Variants in IL12RB1 observed in about 807,000 individuals in gnomAD.
The protein encoded by IL12RB1 is interleukin-12 receptor subunit beta-1.
IL12RB1 carries 64 observed loss-of-function variants against 94.4 expected under a neutral mutation model. That is an observed-to-expected ratio of 0.68 (90% CI 0.55 to 0.83). The LOEUF (loss-of-function observed/expected upper bound fraction) is 0.83, where lower values mean the gene tolerates loss of function less well. Ranked by LOEUF, IL12RB1 falls within the 40% of genes least tolerant of loss-of-function variation. The probability of loss-of-function intolerance (pLI) is 0.00; values close to 1 mark genes in which losing one functional copy is unlikely to be tolerated. For synonymous variants in IL12RB1, 362 were observed against 355.5 expected, an observed-to-expected ratio of 1.02 and a Z score of -0.21; for missense variants, 814 against 855.6, an observed-to-expected ratio of 0.95 and a Z score of 0.61.
intron 2 of IL12RB1, chr19:18,082,992 A>G (rs1599558995): frequency 3.6e-6 from 1 of 274,348 alleles, no homozygotes; most frequent in East Asian, 9.3e-5. Flanking sequence ...CTGAGGCTGG[A>G]GAATAGCTTG....
chr19:18,098,774 C>G, exon 1 of IL12RB1: 3 of 456,688 alleles, frequency 6.6e-6, no homozygotes, highest in Non-Finnish European at 1.3e-5. Flanking sequence ...ATTTATGGAG[C>G]GCCTGCTGTG....
At position 18,072,099 on chromosome 19, in the gene IL12RB1, C is replaced by A. The variant is rs759022910; in HGVS notation, c.1021+13G>T. 1 of 1,559,192 alleles carries A rather than the reference C, an allele frequency of 6.4e-7. No homozygotes were observed. Among genetic ancestry groups the A allele is most frequent in the South Asian group, 1.1e-5 (1 of 90,092 alleles). Reference sequence around the variant, plus strand: ...GGGGCCCTCATACCGCCCTCCCCACCCAGAGGAGGCACCTGTGTGGGTGTC... The same window carrying A: ...GGGGCCCTCATACCGCCCTCCCCACACAGAGGAGGCACCTGTGTGGGTGTC... On this transcript the variant is annotated intron_variant, in intron 9 of 16. Transcript: ENST00000593993.
chr19:18,068,792 AGGC>A (rs1449161512), intron 10 of IL12RB1, among the ~76,000 whole-genome samples: 1 of 135,666 alleles, frequency 7.4e-6, no homozygotes, highest in Non-Finnish European at 1.5e-5. Flanking sequence ...TGTGTCACCC[AGGC>A]TGGAGTGCAA....
intron 1 of IL12RB1, among the ~76,000 whole-genome samples, chr19:18,093,399 T>A (rs915172263): frequency 6.6e-6 from 1 of 151,718 alleles, no homozygotes. Context: ...ACAGAAAAAC[T>A]GCATTCATTC....
Position 18,077,553 on chromosome 19 carries a change from T to G in IL12RB1, c.512A>C (p.Gln171Pro), listed in dbSNP as rs771960783. Residue 171 changes from glutamine to proline, a missense_variant, in exon 5 of 17, where the codon CAG becomes CCG. Transcript: ENST00000593993. ...TPDNQVGAEV[Q>P]FRHRTPSSPW... is the part of the protein sequence containing the mutation. ...GCTGCTGGGTGTCCGGTGCCGGAACTGCACCTCAGCACCAACCTGGTTATC... is the reference window on the plus strand; with the variant it reads ...GCTGCTGGGTGTCCGGTGCCGGAACGGCACCTCAGCACCAACCTGGTTATC... The G allele has an allele frequency of 6.2e-7, 1 of 1,612,568 alleles. No individual in the cohort carries two copies. Among genetic ancestry groups the G allele is most frequent in the Non-Finnish European group, 8.5e-7 (1 of 1,178,994 alleles).
upstream of IL12RB1, among the ~76,000 whole-genome samples, chr19:18,087,583 C>T (rs1030864858): frequency 6.6e-6 from 1 of 151,764 alleles, no homozygotes; most frequent in South Asian, 2.1e-4. Flanking sequence ...GGTGCAATCA[C>T]GGCTCACTGC....
intron 16 of IL12RB1, 62 bp from the exon 17 acceptor site, chr19:18,059,675 CAT>C: frequency 1.3e-6 from 1 of 778,912 alleles, no homozygotes. Flanking sequence ...GGTAGGGAAT[CAT>C]GTGAGTGGAT....
chr19:18,081,670 A>C (rs566805608), intron 3 of IL12RB1, among the ~76,000 whole-genome samples: 2 of 151,676 alleles, frequency 1.3e-5, no homozygotes, highest in Non-Finnish European at 2.9e-5. Context: ...AAAATACAAA[A>C]ATTAGCAGGT....
chr19:18,081,065 T>C, intron 3 of IL12RB1, 64 bp from the exon 4 acceptor site: 2 of 1,413,206 alleles, frequency 1.4e-6, no homozygotes, highest in South Asian at 2.3e-5. Flanking sequence ...CAGCCGACTT[T>C]GTGCATCACA....
chr19:18,097,746 G>A (rs922298376), intron 1 of IL12RB1: 2 of 1,182,880 alleles, frequency 1.7e-6, no homozygotes, highest in African/African-American at 3.2e-5. Flanking sequence ...GGCCTGGCAG[G>A]CCGGGGCGGG....
In IL12RB1 at chr19:18,080,941, G is replaced by A. The variant is rs147419888; in HGVS notation, c.300C>T (p.Ser100=). 9.5e-5 allele frequency: 154 copies of A among 1,613,976 alleles called. 3 individuals are homozygous for A. Among genetic ancestry groups the A allele is most frequent in the South Asian group, 7.9e-4 (72 of 91,072 alleles). The change falls in exon 4 of 17, where the codon TCC becomes TCT. Residue 100 remains serine, a synonymous_variant. Transcript: ENST00000593993. ...ACAGCACAGACACCCCAGCCTGGTC[G>A]GAGAACTGCAGCCTGGTGGCTGAGC... is the stretch of plus-strand genomic sequence containing the variant. The part of the protein sequence containing the change: ...AAGSATRLQF[S]DQAGVSVLYT...
intron 8 of IL12RB1, 143 bp from the exon 9 acceptor site, chr19:18,072,492 A>C: frequency 1.5e-6 from 1 of 676,180 alleles, no homozygotes; most frequent in Non-Finnish European, 2.7e-6. Context: ...AGAATAATAA[A>C]CCTCAATGCT....
intron 8 of IL12RB1, among the ~76,000 whole-genome samples, chr19:18,072,666 GGCC>G: frequency 6.6e-6 from 1 of 152,146 alleles, no homozygotes; most frequent in South Asian, 2.1e-4. Context: ...GAATTTGAGA[GGCC>G]GGGCACGGGG....
At chr19:18,061,793 G>C (rs1309766142) in intron 14 of IL12RB1, among the ~76,000 whole-genome samples, 1 of 150,848 alleles carries the variant, frequency 6.6e-6, no homozygotes, top group Non-Finnish European at 1.5e-5. Flanking sequence ...AACCCGGGAG[G>C]GGGAGGTTGC....
chr19:18,072,371 G>T (rs780078908), intron 8 of IL12RB1, 22 bp from the exon 9 acceptor site: 1 of 1,482,538 alleles, frequency 6.7e-7, no homozygotes, highest in South Asian at 1.1e-5. Flanking sequence ...ATGAAAGACA[G>T]CTTGTGGGTA....
At chr19:18,083,126 T>C (rs1401078324) in intron 2 of IL12RB1, 1 of 401,770 alleles carries the variant, frequency 2.5e-6, no homozygotes, top group African/African-American at 2.1e-5. Flanking sequence ...TTTATCAGGT[T>C]GGGGGGGGGG....
intron 7 of IL12RB1, among the ~76,000 whole-genome samples, chr19:18,074,938 G>C (rs1380095219): frequency 6.6e-6 from 1 of 151,684 alleles, no homozygotes; most frequent in Non-Finnish European, 1.5e-5. Context: ...TGTAGTCCCA[G>C]CTACTTGGGA....
intron 3 of IL12RB1, among the ~76,000 whole-genome samples, chr19:18,081,820 AAAAAAAGAAAAAAAG>A (rs1254594333): frequency 6.8e-6 from 1 of 147,380 alleles, no homozygotes; most frequent in East Asian, 2.1e-4. Context: ...ACTCCATCTC[AAAAAAAGAAAAAAAG>A]AAAAAAGAAA....
rs767061128 is a variant in IL12RB1, at chr19:18,076,281, C to T, written c.580+16G>A. The T allele has an allele frequency of 2.4e-6, 3 of 1,269,924 alleles. No homozygotes were observed. Among genetic ancestry groups the T allele is most frequent in the Non-Finnish European group, 2.3e-6 (2 of 865,454 alleles). 78.7% of individuals were successfully genotyped at this position (1,269,924 alleles called of 1,614,324 possible). On this transcript the variant is annotated intron_variant, in intron 6 of 16. Transcript: ENST00000593993. ...TTTGCTGCAGCTGTTGTTGTCATTA[C>T]TATTATTATTCTCACCAGTATCATC...
Sources: gnomAD v4.1 joint callset for allele counts (sites outside exome capture counted in the v4.1 genomes callset) on GRCh38, gnomAD v4.1.1 for gene constraint, MANE v1.5 for transcripts, NCBI Gene and HGNC (gene_info 2026-07-23, HGNC 2026-07-21) for gene names.